IRGM: variants seen among roughly 807,000 people sequenced by gnomAD.
IRGM encodes the protein immunity related GTPase M, also known as immunity-related GTPase family M protein.
For missense variants in IRGM, 288 were observed against 219.9 expected, an observed-to-expected ratio of 1.31 and a Z score of -1.96; for synonymous variants, 98 against 80.6, an observed-to-expected ratio of 1.22 and a Z score of -1.16.
chr5:150,860,440 T>A (rs1382657674), intron 1 of IRGM, among the ~76,000 whole-genome samples: 1 of 152,256 alleles, frequency 6.6e-6, no homozygotes, highest in African/African-American at 2.4e-5. Flanking sequence ...TGTTCAAAAC[T>A]GGACATTCTG....
intron 3 of IRGM, chr5:150,896,273 C>A: frequency 4.3e-6 from 7 of 1,613,658 alleles, no homozygotes; most frequent in Non-Finnish European, 5.9e-6. Context: ...CATAAGGTTT[C>A]TCCCCAGTAT....
chr5:150,868,451 G>T (rs1193821937), intron 1 of IRGM, among the ~76,000 whole-genome samples: 1 of 152,026 alleles, frequency 6.6e-6, no homozygotes, highest in Non-Finnish European at 1.5e-5. Context: ...CTTTGGCTGT[G>T]CAGGCTCTTG....
At chr5:150,851,088 C>A (rs1308536741), downstream of IRGM, among the ~76,000 whole-genome samples, 4 of 152,116 alleles carry the variant, frequency 2.6e-5, no homozygotes, top group Middle Eastern at 3.2e-3. Flanking sequence ...AAGGATAGAT[C>A]AAATTTCAGG....
chr5:150,895,994 C>G, intron 3 of IRGM: 1 of 1,613,340 alleles, frequency 6.2e-7, no homozygotes, highest in Non-Finnish European at 8.5e-7. Context: ...AGAAGGCTTT[C>G]CCACATTCGG....
At chr5:150,849,104 T>TAG (rs1013420949), downstream of IRGM, among the ~76,000 whole-genome samples, 3 of 151,876 alleles carry the variant, frequency 2.0e-5, no homozygotes, top group Admixed American at 1.3e-4. Flanking sequence ...AACAGGCAAG[T>TAG]AGAGAGGCAG....
At chr5:150,899,279 G>C (rs2113022958) in intron 3 of IRGM, among the ~76,000 whole-genome samples, 1 of 151,662 alleles carries the variant, frequency 6.6e-6, no homozygotes, top group Middle Eastern at 3.4e-3. Flanking sequence ...TATAATACCT[G>C]GGAAAAAGAA....
chr5:150,893,678 T>C (rs1481281468), intron 3 of IRGM, among the ~76,000 whole-genome samples: 2 of 152,136 alleles, frequency 1.3e-5, no homozygotes, highest in African/African-American at 4.8e-5. Flanking sequence ...TAACTATTGA[T>C]GAAAACTAGG....
chr5:150,878,962 A>T lies in IRGM; in HGVS notation c.*79-623A>T, dbSNP rs184957917. The stretch of plus-strand genomic sequence containing the variant: ...TTGATTTAATGAAGCAAATGAAAAA[A>T]TACTAGCAAAATTCAATGACTTGGA... On this transcript the variant is annotated intron_variant and NMD_transcript_variant, in intron 2 of 3. Coordinates refer to the IRGM transcript ENST00000520549. Among the ~76,000 whole-genome samples, 5 of 152,288 alleles carry T rather than the reference A, an allele frequency of 3.3e-5. No individual in the cohort carries two copies. The East Asian group carries it at 9.6e-4, about 29-fold the overall frequency.
At chr5:150,896,700 G>A in intron 3 of IRGM, 1 of 1,613,408 alleles carries the variant, frequency 6.2e-7, no homozygotes, top group Non-Finnish European at 8.5e-7. Flanking sequence ...TCTCTGTATT[G>A]ATATATCTGT....
chr5:150,860,459 G>A (rs1441001402), intron 1 of IRGM, among the ~76,000 whole-genome samples: 1 of 152,176 alleles, frequency 6.6e-6, no homozygotes, highest in Non-Finnish European at 1.5e-5. Flanking sequence ...TGAACTTTTG[G>A]GGGAATCCTA....
intron 1 of IRGM, among the ~76,000 whole-genome samples, chr5:150,872,474 G>C (rs1754299517): frequency 6.6e-6 from 1 of 152,176 alleles, no homozygotes; most frequent in African/African-American, 2.4e-5. Flanking sequence ...CCCTAGAGGT[G>C]AGGTTCATAG....
At chr5:150,870,492 A>C (rs1754267634) in intron 1 of IRGM, among the ~76,000 whole-genome samples, 2 of 143,998 alleles carry the variant, frequency 1.4e-5, no homozygotes, top group South Asian at 4.4e-4. Flanking sequence ...TCTAAATTTT[A>C]TTTTGCTATA....
downstream of IRGM, among the ~76,000 whole-genome samples, chr5:150,851,226 C>A (rs914388678): frequency 6.6e-6 from 1 of 152,106 alleles, no homozygotes; most frequent in Non-Finnish European, 1.5e-5. Context: ...CAGCACCCTC[C>A]TACCGTTGGT....
intron 3 of IRGM, among the ~76,000 whole-genome samples, chr5:150,887,931 A>C (rs1243064419): frequency 6.6e-6 from 1 of 151,966 alleles, no homozygotes; most frequent in Non-Finnish European, 1.5e-5. Context: ...AGCTAAGAGC[A>C]CAATGACACA....
intron 1 of IRGM, among the ~76,000 whole-genome samples, chr5:150,871,353 CTG>C (rs1754279493): frequency 5.9e-5 from 9 of 152,204 alleles, no homozygotes; most frequent in Admixed American, 5.2e-4. Flanking sequence ...CAAGATGTGT[CTG>C]TGTCTATGTG....
chr5:150,846,879 AG>A lies in IRGM; in HGVS notation c.-754del, dbSNP rs1158443702. On this transcript the variant is annotated 5_prime_UTR_variant, in exon 1 of 2. Transcript: ENST00000522154. ...TTTAAGAATTGTAACACTCACCGCG[AG>A]GGTCCGTGGCTTCATTCTTGAAGTC... The A allele has an allele frequency of 6.5e-5, 10 of 153,940 alleles. No individual in the cohort carries two copies. The highest frequency in any genetic ancestry group is 1.2e-4 in the Non-Finnish European group (8 of 69,386). The allele number at this position is 153,940 out of a possible 1,614,324, so 9.5% of individuals were successfully genotyped here.
At chr5:150,849,335 T>G (rs1287208671), downstream of IRGM, among the ~76,000 whole-genome samples, 1 of 148,222 alleles carries the variant, frequency 6.7e-6, no homozygotes, top group Non-Finnish European at 1.5e-5. Context: ...TTATAAGGAA[T>G]GCCTAATATC....
intron 3 of IRGM, among the ~76,000 whole-genome samples, chr5:150,880,269 T>C (rs1428552): frequency 0.21 from 31,645 of 151,988 alleles, 5,294 homozygotes; most frequent in African/African-American, 0.45. Context: ...CCTCGGCATG[T>C]GTAGCAAGTG....
At chr5:150,867,026 T>A (rs139589309) in intron 1 of IRGM, among the ~76,000 whole-genome samples, 74 of 152,352 alleles carry the variant, frequency 4.9e-4, no homozygotes, top group African/African-American at 1.6e-3. Context: ...CTCTCTTTTT[T>A]AAATTTCAGT....
Sources: allele counts gnomAD v4.1 joint callset (sites outside exome capture counted in the v4.1 genomes callset), GRCh38; gene constraint gnomAD v4.1.1; transcripts MANE v1.5; gene names NCBI Gene and HGNC (gene_info 2026-07-23, HGNC 2026-07-21).